EPC1: variants seen among roughly 807,000 people sequenced by gnomAD.
EPC1 encodes enhancer of polycomb 1, also known as enhancer of polycomb homolog 1.
EPC1 carries 12 observed loss-of-function variants against 98.4 expected under a neutral mutation model. The observed-to-expected ratio is 0.12, with a 90% CI of 0.08 to 0.20. EPC1 has a LOEUF of 0.20. Ranked by LOEUF, EPC1 falls within the 10% of genes least tolerant of loss-of-function variation. EPC1 has a pLI of 1.00. For missense variants in EPC1, 729 were observed against 990.5 expected, an observed-to-expected ratio of 0.74 and a Z score of 3.54; for synonymous variants, 357 against 363.9, an observed-to-expected ratio of 0.98 and a Z score of 0.21.
chr10:32,285,139 A>C (rs1836613830), intron 9 of EPC1, 89 bp from the exon 10 acceptor site: 4 of 1,002,570 alleles, frequency 4.0e-6, no homozygotes, highest in Non-Finnish European at 4.4e-6. Context: ...CCCAACTGCC[A>C]AAAGGCCAAC....
chr10:32,329,779 G>C (rs373343659), intron 1 of EPC1, among the ~76,000 whole-genome samples: 1 of 152,194 alleles, frequency 6.6e-6, no homozygotes, highest in East Asian at 1.9e-4. Flanking sequence ...GAGCTTAAGA[G>C]TCATGTGGTG....
intron 10 of EPC1, among the ~76,000 whole-genome samples, chr10:32,280,480 C>T (rs1836352229): frequency 6.7e-6 from 1 of 149,512 alleles, no homozygotes; most frequent in Non-Finnish European, 1.5e-5. Flanking sequence ...GTGGCTCACG[C>T]CTGTAATCCC....
rs77611657 is a variant in EPC1 at position 32,362,821 on chromosome 10, G to A, written c.3+15670C>T. Among the ~76,000 whole-genome samples the A allele has an allele frequency of 4.1e-3, 627 of 152,100 alleles. 4 individuals are homozygous for A. Among genetic ancestry groups the A allele is most frequent in the Non-Finnish European group, 6.4e-3 (433 of 67,992 alleles). On this transcript the variant is annotated intron_variant, in intron 1 of 13. Transcript: ENST00000375110. ...TCCTCCCATGTGCCATTCATGTTAG[G>A]CCCCCTTTTAAAAGTGCCTGCTTTC...
chr10:32,321,915 G>C (rs1443548679), intron 1 of EPC1, among the ~76,000 whole-genome samples: 1 of 151,744 alleles, frequency 6.6e-6, no homozygotes, highest in Admixed American at 6.6e-5. Context: ...CTGAAGAGAT[G>C]ATCAACAGCA....
In EPC1 at chr10:32,293,078, T is replaced by A. The variant is rs76164400; in HGVS notation, c.576A>T (p.Pro192=). The A allele has an allele frequency of 2.1e-3, 3,312 of 1,613,478 alleles. 60 individuals are homozygous for A. The African/African-American group carries it at 0.038, about 18-fold the overall frequency. ...RKNCRGPSLI[P]SVKQEKRDGS... ...CATCTCGCTTCTCTTGTTTTACTGA[T>A]GGAATAAGAGATGGCCCTCGACAGT... is the stretch of plus-strand genomic sequence containing the variant. Residue 192 remains proline (P), a synonymous_variant, in exon 4 of 14, where the codon CCA becomes CCT. Coordinates refer to ENST00000319778, the MANE Select transcript of EPC1 (RefSeq NM_001272004.3).
intron 13 of EPC1, chr10:32,269,343 T>A (rs1268834673): frequency 6.6e-6 from 3 of 451,150 alleles, no homozygotes; most frequent in African/African-American, 4.0e-5. Flanking sequence ...CACAGTCAAC[T>A]ACATTACCAT....
chr10:32,323,833 T>C (rs919753085), intron 1 of EPC1, among the ~76,000 whole-genome samples: 1 of 152,222 alleles, frequency 6.6e-6, no homozygotes, highest in Non-Finnish European at 1.5e-5. Flanking sequence ...AATGTTGCCA[T>C]GAGGATTAAA....
chr10:32,279,595 C>A (rs903629736), intron 10 of EPC1, among the ~76,000 whole-genome samples: 2 of 152,198 alleles, frequency 1.3e-5, no homozygotes, highest in Admixed American at 1.3e-4. Flanking sequence ...ATCTTTACTG[C>A]AGATATGAGA....
intron 1 of EPC1, among the ~76,000 whole-genome samples, chr10:32,367,221 C>G (rs935946932): frequency 6.6e-6 from 1 of 152,160 alleles, no homozygotes; most frequent in African/African-American, 2.4e-5. Context: ...GAACTCCTGA[C>G]CTCAAGTGAT....
intron 1 of EPC1, among the ~76,000 whole-genome samples, chr10:32,344,529 T>C (rs960635129): frequency 6.6e-6 from 1 of 152,148 alleles, no homozygotes; most frequent in African/African-American, 2.4e-5. Context: ...CTCATGCCTG[T>C]AATCCCAGCA....
Position 32,271,753 on chromosome 10 carries a change from T to C in EPC1, c.2170A>G (p.Thr724Ala), listed in dbSNP as rs747631521. ...ATGTTGTTCCCAATCAGAACCTGAG[T>C]TGTTGCAGAATTGGCAGCAGTTACT... ...HQVTAANSAT[T>A]QVLIGNNIRL... is the part of the protein sequence containing the mutation. The change falls in exon 13 of 14, where the codon ACT becomes GCT. Residue 724 changes from threonine to alanine, a missense_variant. By Grantham distance (58) the Thr-to-Ala change is moderately conservative. Around this residue, in one of 6 missense-constraint regions of EPC1, gnomAD observed 156 missense variants for 188.9 expected, o/e 0.83. Transcript: ENST00000319778. The C allele has an allele frequency of 6.2e-7, 1 of 1,614,128 alleles. No individual in the cohort carries two copies. The highest frequency in any genetic ancestry group is 8.5e-7 in the Non-Finnish European group (1 of 1,180,028).
At chr10:32,302,287 T>G (rs1285591783) in intron 2 of EPC1, among the ~76,000 whole-genome samples, 3 of 151,658 alleles carry the variant, frequency 2.0e-5, no homozygotes, top group African/African-American at 7.3e-5. Context: ...ACAAAGACAC[T>G]GTGTCTAGAA....
Position 32,292,484 on chromosome 10 carries a change from A to G in EPC1, c.815+12T>C. The G allele has an allele frequency of 6.5e-7, 1 of 1,540,982 alleles. No individual in the cohort carries two copies. The highest frequency in any genetic ancestry group is 1.4e-5 in the African/African-American group (1 of 71,850). On this transcript the variant is annotated intron_variant, in intron 5 of 13. Transcript: ENST00000319778. ...ACTATACTTCCTCTAACATTATTAA[A>G]ATATACATTACCTCTTTTCCATAAT...
intron 1 of EPC1, among the ~76,000 whole-genome samples, chr10:32,341,344 T>C (rs1838340715): frequency 6.6e-6 from 1 of 152,234 alleles, no homozygotes; most frequent in South Asian, 2.1e-4. Flanking sequence ...TGTGTGTGTA[T>C]AGATTCTATG....
At chr10:32,285,138 CA>C (rs1458548517) in intron 9 of EPC1, 88 bp from the exon 10 acceptor site, 2 of 992,388 alleles carry the variant, frequency 2.0e-6, no homozygotes, top group Non-Finnish European at 2.9e-6. Context: ...CCCCAACTGC[CA>C]AAAGGCCAAC....
At position 32,287,389 on chromosome 10, in the gene EPC1, A is replaced by G; in HGVS notation, c.976-115T>C. 4 of 1,002,068 alleles carry G rather than the reference A, an allele frequency of 4.0e-6. No homozygotes were observed. The South Asian group carries it at 4.6e-5, about 12-fold the overall frequency. The allele number at this position is 1,002,068 out of a possible 1,614,324, so 62.1% of individuals were successfully genotyped here. Reference sequence around the variant, plus strand: ...CTATAATGAGGGCATTCATATTCATAAGAGACACAACACTCTATGTTTGGC... The same window carrying G: ...CTATAATGAGGGCATTCATATTCATGAGAGACACAACACTCTATGTTTGGC... On this transcript the variant is annotated intron_variant, in intron 6 of 13. Transcript: ENST00000319778.
chr10:32,307,142 T>C (rs946462215), intron 1 of EPC1, among the ~76,000 whole-genome samples: 3 of 152,184 alleles, frequency 2.0e-5, no homozygotes, highest in African/African-American at 7.2e-5. Context: ...ACTACATTCC[T>C]TACAATAGCT....
At chr10:32,346,670 G>T in intron 1 of EPC1, 93 bp downstream of exon 1, 1 of 1,228,044 alleles carries the variant, frequency 8.1e-7, no homozygotes, top group Non-Finnish European at 1.2e-6. Flanking sequence ...AGAAGATGGC[G>T]GCCATTTTGT....
intron 10 of EPC1, among the ~76,000 whole-genome samples, chr10:32,277,493 T>C (rs1836163329): frequency 6.6e-6 from 1 of 152,238 alleles, no homozygotes; most frequent in African/African-American, 2.4e-5. Flanking sequence ...TTAGCTTCAC[T>C]AGAAATACTT....
Sources: allele counts gnomAD v4.1 joint callset (sites outside exome capture counted in the v4.1 genomes callset), GRCh38; gene constraint gnomAD v4.1.1; regional missense constraint gnomAD v4.1.1; transcripts MANE v1.5; gene names NCBI Gene and HGNC (gene_info 2026-07-23, HGNC 2026-07-21).